Variants in MACROD1 observed in about 807,000 individuals in gnomAD.
The protein encoded by MACROD1 is mono-ADP ribosylhydrolase 1.
MACROD1 carries 31 observed loss-of-function variants against 41.4 expected under a neutral mutation model. That is an observed-to-expected ratio of 0.75 (90% CI 0.56 to 1.01). The LOEUF is 1.01. Ranked by LOEUF, MACROD1 falls within the 50% of genes least tolerant of loss-of-function variation. The probability of loss-of-function intolerance (pLI) is 0.00; values close to 1 mark genes in which losing one functional copy is unlikely to be tolerated. For missense variants in MACROD1, 473 were observed against 460.0 expected, an observed-to-expected ratio of 1.03 and a Z score of -0.26; for synonymous variants, 252 against 203.4, an observed-to-expected ratio of 1.24 and a Z score of -2.03.
At chr11:64,057,583 C>T (rs1458036619) in intron 3 of MACROD1, among the ~76,000 whole-genome samples, 2 of 152,174 alleles carry the variant, frequency 1.3e-5, no homozygotes, top group Non-Finnish European at 2.9e-5. Flanking sequence ...CTGAGGCCAT[C>T]TGGCTGGTCA....
chr11:64,122,250 G>T lies in MACROD1; in HGVS notation c.517+28989C>A, dbSNP rs898278895. Among the ~76,000 whole-genome samples the T allele has an allele frequency of 1.3e-5, 2 of 152,128 alleles. No homozygotes were observed. The highest frequency in any genetic ancestry group is 4.8e-5 in the African/African-American group (2 of 41,410). On this transcript the variant is annotated intron_variant, in intron 3 of 10. Transcript: ENST00000255681. The surrounding 1 kb of genome is among the most constrained non-coding windows in gnomAD (Gnocchi z 4.0). ...CACAGCCTCCATCTTCTCTAAATAGGCTGGGGCTTGCTCCACGCTAACATG... is the reference window on the plus strand; with the variant it reads ...CACAGCCTCCATCTTCTCTAAATAGTCTGGGGCTTGCTCCACGCTAACATG...
chr11:64,029,484 C>T (rs1345133543), intron 3 of MACROD1, among the ~76,000 whole-genome samples: 4 of 152,248 alleles, frequency 2.6e-5, no homozygotes, highest in African/African-American at 2.4e-5. Flanking sequence ...GGCTGCCACC[C>T]TCTCTTTGGA....
In MACROD1 at chr11:64,166,017, C is replaced by T. The variant is rs930715805; in HGVS notation, c.-23G>A. The T allele has an allele frequency of 4.8e-6, 6 of 1,255,410 alleles. No homozygotes were observed. In the Admixed American group the frequency reaches 1.7e-4, roughly 35 times the overall value. 77.8% of individuals were successfully genotyped at this position (1,255,410 alleles called of 1,614,324 possible). On this transcript the variant is annotated 5_prime_UTR_variant, in exon 1 of 11. Coordinates refer to ENST00000255681, the MANE Select transcript of MACROD1 (RefSeq NM_014067.4). ...CATGAGCGGGCGGCGCGGGACGGCT[C>T]TCCGCCCACTTGGACTCTATTTACG...
chr11:64,047,021 T>G (rs958842241), intron 3 of MACROD1, among the ~76,000 whole-genome samples: 1 of 152,190 alleles, frequency 6.6e-6, no homozygotes, highest in Non-Finnish European at 1.5e-5. Flanking sequence ...CCCTGGCTGA[T>G]GCACCAGCCT....
intron 3 of MACROD1, among the ~76,000 whole-genome samples, chr11:64,097,439 C>A (rs937616639): frequency 6.6e-6 from 1 of 152,144 alleles, no homozygotes; most frequent in Non-Finnish European, 1.5e-5. Context: ...GAGTGGGCCC[C>A]GCACCCCTGA....
rs1194243583 is a variant in MACROD1 at position 64,000,242 on chromosome 11, G to A, written c.649C>T (p.Arg217Trp). The A allele has an allele frequency of 1.2e-6, 2 of 1,606,020 alleles. No homozygotes were observed. Among genetic ancestry groups the A allele is most frequent in the Middle Eastern group, 1.7e-4 (1 of 6,028 alleles). Reference protein sequence around the residue: ...TGKAKITGGYRLPAKYVIHTV... With the variant: ...TGKAKITGGYWLPAKYVIHTV... ...GGGGACTCACACTTGGCCGGGAGCC[G>A]ATAGCCGCCGGTGATCTTGGCCTTG... The change falls in exon 5 of 11, where the codon CGG becomes TGG. Residue 217 changes from arginine to tryptophan, a missense_variant. Arg to Trp is a moderately radical substitution (Grantham distance 101). Coordinates refer to ENST00000255681, the MANE Select transcript of MACROD1 (RefSeq NM_014067.4).
chr11:64,111,081 C>G (rs193060033), intron 3 of MACROD1, among the ~76,000 whole-genome samples: 5 of 152,332 alleles, frequency 3.3e-5, no homozygotes, highest in Admixed American at 3.3e-4. Context: ...CTGAAAGGTG[C>G]AATTTAGACT....
In MACROD1 at chr11:64,021,044, T is replaced by C. The variant is rs868061022; in HGVS notation, c.518-5763A>G. On this transcript the variant is annotated intron_variant, in intron 3 of 10. Coordinates refer to ENST00000255681, the MANE Select transcript of MACROD1 (RefSeq NM_014067.4). ...CAGGTGCTTATCTTGATACCCCCAC[T>C]CCTGCCCTCGGGTGTCTCCCTCATG... Among the ~76,000 whole-genome samples, 3 of 152,226 alleles carry C rather than the reference T, an allele frequency of 2.0e-5. No individual in the cohort carries two copies. The Middle Eastern group carries it at 0.01, about 518-fold the overall frequency.
intron 3 of MACROD1, among the ~76,000 whole-genome samples, chr11:64,105,939 T>C (rs1944755302): frequency 9.8e-6 from 1 of 102,316 alleles, no homozygotes. Context: ...TCCAGGGTCC[T>C]GAGTGGTGGG....
intron 3 of MACROD1, chr11:64,060,478 C>T (rs1345241488): frequency 6.6e-6 from 1 of 152,240 alleles, no homozygotes; most frequent in African/African-American, 2.4e-5. Context: ...CTGCCCGCGA[C>T]TCCAGGCCCT....
At chr11:64,092,934 A>G (rs1367039266) in intron 3 of MACROD1, among the ~76,000 whole-genome samples, 6 of 152,188 alleles carry the variant, frequency 3.9e-5, no homozygotes, top group Non-Finnish European at 8.8e-5. Context: ...ATCCTTTAAT[A>G]TGCTAATGTG....
Position 63,999,661 on chromosome 11 carries a change from T to C in MACROD1, c.767A>G (p.Glu256Gly), listed in dbSNP as rs776798912. The part of the protein sequence containing the change: ...CYLSSLDLLL[E>G]HRLRSVAFPC... ...CCTCACCACCGAGCGGAGCCGGTGC[T>C]CCAGCAGCAGGTCCAGACTGCTCAG... is the stretch of plus-strand genomic sequence containing the variant. Residue 256 changes from glutamate (E) to glycine (G), a missense_variant, in exon 6 of 11, where the codon GAG becomes GGG. By Grantham distance (98) the Glu-to-Gly change is moderately conservative (BLOSUM62 -2). Transcript: ENST00000255681. The C allele has an allele frequency of 3.7e-6, 6 of 1,609,068 alleles. No homozygotes were observed. The highest frequency in any genetic ancestry group is 3.3e-5 in the South Asian group (3 of 90,466).
intron 3 of MACROD1, among the ~76,000 whole-genome samples, chr11:64,021,984 G>T (rs528141215): frequency 7.3e-6 from 1 of 137,746 alleles, no homozygotes; most frequent in African/African-American, 2.7e-5. Context: ...GATCTGGAGG[G>T]GTGGGTGGGG....
intron 3 of MACROD1, among the ~76,000 whole-genome samples, chr11:64,068,086 G>A (rs1169418102): frequency 1.3e-5 from 2 of 152,222 alleles, no homozygotes; most frequent in African/African-American, 2.4e-5. Context: ...AACCGGAGCC[G>A]GGCGAAGTTG....
chr11:64,159,023 A>G (rs1181729228), intron 1 of MACROD1, among the ~76,000 whole-genome samples: 1 of 151,076 alleles, frequency 6.6e-6, no homozygotes, highest in Non-Finnish European at 1.5e-5. Flanking sequence ...CCGTCTCTGC[A>G]AAAAATAGAA....
chr11:64,094,706 G>T (rs1944547583), intron 3 of MACROD1, among the ~76,000 whole-genome samples: 2 of 152,326 alleles, frequency 1.3e-5, no homozygotes, highest in African/African-American at 4.8e-5. Context: ...GTTCAGGGAG[G>T]CTGACCACAG....
chr11:64,100,486 G>C (rs1296122039), intron 3 of MACROD1, among the ~76,000 whole-genome samples: 1 of 152,206 alleles, frequency 6.6e-6, no homozygotes, highest in Non-Finnish European at 1.5e-5. Flanking sequence ...AGGCCAAGGC[G>C]AGGAGTGTAA....
At position 63,998,661 on chromosome 11, in the gene MACROD1, G is replaced by C; in HGVS notation, c.*57C>G. On this transcript the variant is annotated 3_prime_UTR_variant, in exon 11 of 11. Coordinates refer to ENST00000255681, the MANE Select transcript of MACROD1 (RefSeq NM_014067.4). ...CTGCAGGCTTTGGCGACCTCTCAGA[G>C]CTGGGAGCGGGGTCCCGAAGGCGGG... 7.5e-7 allele frequency: 1 copy of C among 1,333,602 alleles called. No individual in the cohort carries two copies. The highest frequency in any genetic ancestry group is 9.6e-7 in the Non-Finnish European group (1 of 1,045,696). 82.6% of individuals were successfully genotyped at this position (1,333,602 alleles called of 1,614,324 possible).
At chr11:64,142,800 C>T (rs1030386975) in intron 3 of MACROD1, among the ~76,000 whole-genome samples, 7 of 152,034 alleles carry the variant, frequency 4.6e-5, no homozygotes, top group Non-Finnish European at 7.4e-5. Context: ...CACTTCCAGA[C>T]GACCCAGAGG....
Sources: gnomAD v4.1 joint callset for allele counts (sites outside exome capture counted in the v4.1 genomes callset) on GRCh38, gnomAD v4.1.1 for gene constraint, Gnocchi (gnomAD v3.1) non-coding constraint, MANE v1.5 for transcripts, NCBI Gene and HGNC (gene_info 2026-07-23, HGNC 2026-07-21) for gene names.